FBN1: variants seen among roughly 807,000 people sequenced by gnomAD.
FBN1 encodes fibrillin-1.
In FBN1, 29 loss-of-function variants were observed where a neutral mutation model predicts 365.1. That is an observed-to-expected ratio of 0.08 (90% CI 0.06 to 0.11). FBN1 has a LOEUF of 0.11. Ranked by LOEUF, FBN1 falls within the 10% of genes least tolerant of loss-of-function variation. The probability of loss-of-function intolerance (pLI) is 1.00; values close to 1 mark genes in which losing one functional copy is unlikely to be tolerated. For synonymous variants in FBN1, 1,210 were observed against 1,270.5 expected, an observed-to-expected ratio of 0.95 and a Z score of 1.01; for missense variants, 2,476 against 3,703.2, an observed-to-expected ratio of 0.67 and a Z score of 8.60.
intron 49 of FBN1, 53 bp from the exon 50 acceptor site, chr15:48,441,899 A>C: frequency 6.2e-7 from 1 of 1,600,724 alleles, no homozygotes; most frequent in Non-Finnish European, 8.5e-7. Flanking sequence ...AGACATCATC[A>C]GGTACCAAAC....
chr15:48,644,697 C>T lies in FBN1; in HGVS notation c.73G>A (p.Ala25Thr). 1 of 1,614,194 alleles carries T rather than the reference C, an allele frequency of 6.2e-7. No homozygotes were observed. The highest frequency in any genetic ancestry group is 8.5e-7 in the Non-Finnish European group (1 of 1,180,042). ...VLLASYTSHG[A>T]DANLEAGNVK... ...TTCCCAGCCTCCAAATTGGCGTCCG[C>T]CCCATGGCTCGTGTAGGACGCTAAA... Residue 25 changes from alanine to threonine, a missense_variant, in exon 2 of 66, where the codon GCG becomes ACG. Transcript: ENST00000316623.
intron 32 of FBN1, among the ~76,000 whole-genome samples, chr15:48,478,130 T>C (rs1055084313): frequency 6.6e-6 from 1 of 152,172 alleles, no homozygotes; most frequent in Non-Finnish European, 1.5e-5. Flanking sequence ...TGATTAGGCA[T>C]TGAGGAAGAG....
chr15:48,532,460 A>T (rs1393950595), intron 8 of FBN1, among the ~76,000 whole-genome samples: 1 of 151,410 alleles, frequency 6.6e-6, no homozygotes, highest in Non-Finnish European at 1.5e-5. Context: ...CTATATAAAG[A>T]TATGTGTGTG....
chr15:48,536,263 G>C (rs1416466439), intron 7 of FBN1, among the ~76,000 whole-genome samples: 1 of 152,142 alleles, frequency 6.6e-6, no homozygotes, highest in Non-Finnish European at 1.5e-5. Flanking sequence ...AGCAGAGTTA[G>C]AAAGAAACAG....
intron 11 of FBN1, 148 bp downstream of exon 11, chr15:48,516,035 A>G (rs774656879): frequency 8.0e-6 from 6 of 747,574 alleles, no homozygotes; most frequent in Non-Finnish European, 1.1e-5. Context: ...CATACATATG[A>G]TATAGATATA....
intron 6 of FBN1, among the ~76,000 whole-genome samples, chr15:48,563,583 T>G (rs985735161): frequency 4.6e-5 from 7 of 152,194 alleles, no homozygotes; most frequent in Admixed American, 4.6e-4. Context: ...TTCCAAGCAA[T>G]TAAGCCTTCA....
Position 48,411,243 on chromosome 15 carries a change from G to T in FBN1, c.8363C>A (p.Thr2788Lys). ...LELLPALTTL[T>K]NHNRYLIESG... ...TTCGATCAAGTATCTGTTGTGATTC[G>T]TCAGAGTTGTAAGAGCTGGAAGGAG... Residue 2788 changes from threonine to lysine, a missense_variant, in exon 66 of 66, where the codon ACG becomes AAG. Physicochemically the swap from Thr to Lys is moderately conservative, Grantham distance 78. This residue lies in a region of FBN1 where 177 missense variants were observed against 192.7 expected (regional missense o/e 0.92). Transcript: ENST00000316623. 6.2e-7 allele frequency: 1 copy of T among 1,614,010 alleles called. No individual in the cohort carries two copies. The highest frequency in any genetic ancestry group is 8.5e-7 in the Non-Finnish European group (1 of 1,179,990).
rs192292453 is a variant in FBN1, at chr15:48,608,800, C to T, written c.346+1928G>A. ...GGACCTTACTACTATACTCGTCACACCCCACAGTTAACTTGGATTCTACCA... is the reference window on the plus strand; with the variant it reads ...GGACCTTACTACTATACTCGTCACATCCCACAGTTAACTTGGATTCTACCA... On this transcript the variant is annotated intron_variant, in intron 4 of 65. Transcript: ENST00000316623. 2.8e-4 allele frequency among the ~76,000 whole-genome samples: 43 copies of T among 152,308 alleles called. 1 individual carries two copies. The highest frequency in any genetic ancestry group is 8.7e-4 in the African/African-American group (36 of 41,564).
chr15:48,482,128 A>C (rs893028710), intron 31 of FBN1, among the ~76,000 whole-genome samples: 1 of 152,242 alleles, frequency 6.6e-6, no homozygotes, highest in Non-Finnish European at 1.5e-5. Flanking sequence ...CTGCATGATG[A>C]TAACAATTTA....
intron 40 of FBN1, 35 bp downstream of exon 40, chr15:48,465,533 C>T: frequency 6.2e-7 from 1 of 1,613,214 alleles, no homozygotes; most frequent in Non-Finnish European, 8.5e-7. Context: ...TTCTTGATAT[C>T]TGCAAGACCT....
At chr15:48,412,472 C>T (rs1020250586) in intron 65 of FBN1, 97 bp downstream of exon 65, 1 of 1,338,066 alleles carries the variant, frequency 7.5e-7, no homozygotes, top group East Asian at 2.3e-5. Flanking sequence ...CCCTGGGGAG[C>T]TTTTTCACAC....
At chr15:48,545,854 T>A (rs2044089619) in intron 6 of FBN1, among the ~76,000 whole-genome samples, 1 of 151,996 alleles carries the variant, frequency 6.6e-6, no homozygotes. Flanking sequence ...AAACCCCATC[T>A]TTACAAAAAA....
chr15:48,412,178 G>T (rs576255369), intron 65 of FBN1, among the ~76,000 whole-genome samples: 1 of 152,304 alleles, frequency 6.6e-6, no homozygotes, highest in Admixed American at 6.5e-5. Flanking sequence ...ACTCCACATG[G>T]CTCTTTTCAG....
At chr15:48,578,462 T>A (rs1425950241) in intron 6 of FBN1, among the ~76,000 whole-genome samples, 1 of 152,172 alleles carries the variant, frequency 6.6e-6, no homozygotes, top group African/African-American at 2.4e-5. Flanking sequence ...GCGCATCCTA[T>A]AATTTATTTT....
intron 29 of FBN1, 96 bp downstream of exon 29, chr15:48,486,979 G>A: frequency 1.0e-6 from 1 of 997,168 alleles, no homozygotes; most frequent in Non-Finnish European, 1.3e-6. Flanking sequence ...GTGTTTTAGG[G>A]AGAGATGAAA....
rs557555729 is a variant in FBN1, at chr15:48,507,594, T to A, written c.1837+988A>T. Among the ~76,000 whole-genome samples the A allele has an allele frequency of 1.4e-4, 21 of 152,298 alleles. No homozygotes were observed. In the South Asian group the frequency reaches 3.7e-3, roughly 27 times the overall value. ...CTTTTAAGCCTGGAGAAAATGCACA[T>A]CTTGCCAAGGACTTAATACAAGGCT... On this transcript the variant is annotated intron_variant, in intron 15 of 65. Coordinates refer to ENST00000316623, the MANE Select transcript of FBN1 (RefSeq NM_000138.5).
At chr15:48,559,633 T>A (rs553790286) in intron 6 of FBN1, among the ~76,000 whole-genome samples, 15 of 152,230 alleles carry the variant, frequency 9.9e-5, no homozygotes, top group Middle Eastern at 6.8e-3. Flanking sequence ...CTTCCCAGAA[T>A]GACTGAGTAA....
chr15:48,636,927 C>G (rs762552654), intron 2 of FBN1, among the ~76,000 whole-genome samples: 6 of 152,220 alleles, frequency 3.9e-5, no homozygotes, highest in African/African-American at 1.4e-4. Context: ...AACTCAAACA[C>G]TCACAAATGA....
intron 16 of FBN1, among the ~76,000 whole-genome samples, chr15:48,504,486 G>C (rs2043692207): frequency 1.3e-5 from 2 of 152,338 alleles, no homozygotes; most frequent in South Asian, 2.1e-4. Flanking sequence ...CAGGAAGACA[G>C]TCTCCTGCTA....
Sources: allele counts gnomAD v4.1 joint callset (sites outside exome capture counted in the v4.1 genomes callset), GRCh38; gene constraint gnomAD v4.1.1; regional missense constraint gnomAD v4.1.1; transcripts MANE v1.5; gene names NCBI Gene and HGNC (gene_info 2026-07-23, HGNC 2026-07-21).